The following ABHD10 variants were observed in gnomAD, a reference collection of about 807,000 sequenced individuals.
The protein encoded by ABHD10 is palmitoyl-protein thioesterase ABHD10, mitochondrial.
Under a neutral mutation model 33.1 loss-of-function variants are expected in ABHD10, and 22 were observed. That is an observed-to-expected ratio of 0.66 (90% CI 0.47 to 0.95). The LOEUF (loss-of-function observed/expected upper bound fraction) is 0.95. Among genes scored for constraint, ABHD10 ranks in the 40% least tolerant of loss-of-function variants. The pLI, the probability that ABHD10 is intolerant of heterozygous loss-of-function variation, is 0.00. For synonymous variants in ABHD10, 146 were observed against 133.9 expected, an observed-to-expected ratio of 1.09 and a Z score of -0.62; for missense variants, 352 against 379.9, an observed-to-expected ratio of 0.93 and a Z score of 0.61.
chr3:111,981,287 G>C (rs1172532135), intron 1 of ABHD10, among the ~76,000 whole-genome samples: 1 of 135,350 alleles, frequency 7.4e-6, no homozygotes, highest in Non-Finnish European at 1.5e-5. Context: ...ACTCTAGCCT[G>C]AGTGACAAGG....
rs1007068046 is a variant in ABHD10 at position 111,992,697 on chromosome 3, C to T, written c.*976C>T. On this transcript the variant is annotated 3_prime_UTR_variant, in exon 5 of 5. Transcript: ENST00000273359. ...TTATTTAGCTTGATTAGGTTATTAT[C>T]TGTCAAACCTTTTAAGTTGACAACA... 7.2e-5 allele frequency: 11 copies of T among 152,066 alleles called. No individual in the cohort carries two copies. The highest frequency in any genetic ancestry group is 2.7e-4 in the African/African-American group (11 of 41,400). The allele number at this position is 152,066 out of a possible 1,614,324, so 9.4% of individuals were successfully genotyped here. A position where few individuals can be genotyped will look rare whatever the true frequency, so the allele number is the denominator to read the frequency against.
chr3:111,979,659 C>G (rs1286177823), intron 1 of ABHD10, among the ~76,000 whole-genome samples: 1 of 152,218 alleles, frequency 6.6e-6, no homozygotes, highest in East Asian at 1.9e-4. Context: ...AGCCTAATTT[C>G]TAGTTCTGCT....
At chr3:111,984,381 G>A (rs1425797919) in intron 2 of ABHD10, among the ~76,000 whole-genome samples, 1 of 152,092 alleles carries the variant, frequency 6.6e-6, no homozygotes, top group Non-Finnish European at 1.5e-5. Context: ...ACTAGGCTCT[G>A]GGAAAGGATA....
chr3:111,981,777 T>C lies in ABHD10; in HGVS notation c.143-7T>C. ...ACCATAGTTTACTTTTTGTGTACTT[T>C]GTTTAGCTTGTAGACAAAAGACGTC... is the stretch of plus-strand genomic sequence containing the variant. On this transcript the variant is annotated splice_polypyrimidine_tract_variant and splice_region_variant and intron_variant, in intron 1 of 4. Coordinates refer to ENST00000273359, the MANE Select transcript of ABHD10 (RefSeq NM_018394.4). 5 of 1,527,934 alleles carry C rather than the reference T, an allele frequency of 3.3e-6. No homozygotes were observed. The highest frequency in any genetic ancestry group is 4.4e-6 in the Non-Finnish European group (5 of 1,124,860). 94.6% of individuals were successfully genotyped at this position (1,527,934 alleles called of 1,614,324 possible).
chr3:111,981,751 A>C (rs1021739215), intron 1 of ABHD10, 33 bp from the exon 2 acceptor site: 2 of 1,480,358 alleles, frequency 1.4e-6, no homozygotes, highest in African/African-American at 2.8e-5. Context: ...TGAGTTTACA[A>C]ACCATAGTTT....
At chr3:111,979,429 T>A in intron 1 of ABHD10, among the ~76,000 whole-genome samples, 1 of 152,250 alleles carries the variant, frequency 6.6e-6, no homozygotes, top group Non-Finnish European at 1.5e-5. Flanking sequence ...GCTGGCGTTT[T>A]ACACTGTGCA....
chr3:111,990,604 G>C (rs976845244), intron 4 of ABHD10: 4 of 417,956 alleles, frequency 9.6e-6, no homozygotes, highest in Admixed American at 8.7e-5. Context: ...CATTTTAAGG[G>C]AATAAATATA....
chr3:111,991,208 C>T (rs1461617919), intron 4 of ABHD10, among the ~76,000 whole-genome samples, 169 bp from the exon 5 acceptor site: 1 of 151,934 alleles, frequency 6.6e-6, no homozygotes, highest in Admixed American at 6.6e-5. Context: ...ATAAAATACC[C>T]ATCACAGTAC....
At chr3:111,984,465 G>C (rs1191954160) in intron 2 of ABHD10, among the ~76,000 whole-genome samples, 1 of 152,098 alleles carries the variant, frequency 6.6e-6, no homozygotes, top group African/African-American at 2.4e-5. Context: ...AATCAACAGT[G>C]TGAGATGTGA....
rs1221176182 is a variant in ABHD10 at position 111,991,831 on chromosome 3, AT to A, written c.*111del. Reference sequence around the variant, plus strand: ...TTTTTCCCTTTCCTCTATTTTGTAAATATAAGATGAGTATTATTTAATGATG... The same window carrying A: ...TTTTTCCCTTTCCTCTATTTTGTAAAATAAGATGAGTATTATTTAATGATG... On this transcript the variant is annotated 3_prime_UTR_variant, in exon 5 of 5. Coordinates refer to ENST00000273359, the MANE Select transcript of ABHD10 (RefSeq NM_018394.4). 2 of 813,658 alleles carry A rather than the reference AT, an allele frequency of 2.5e-6. No individual in the cohort carries two copies. The highest frequency in any genetic ancestry group is 3.4e-5 in the Admixed American group (1 of 29,104). 50.4% of individuals were successfully genotyped at this position (813,658 alleles called of 1,614,324 possible).
chr3:111,986,166 A>C (rs893245282), intron 2 of ABHD10, 98 bp from the exon 3 acceptor site: 16 of 635,758 alleles, frequency 2.5e-5, no homozygotes, highest in Middle Eastern at 2.7e-4. Context: ...ATGTTTCACT[A>C]TAAGCATTAT....
intron 1 of ABHD10, among the ~76,000 whole-genome samples, chr3:111,980,427 A>G (rs998069529): frequency 1.3e-5 from 2 of 152,202 alleles, no homozygotes; most frequent in African/African-American, 4.8e-5. Flanking sequence ...AGCAGCACAC[A>G]TGGATTCTCT....
In ABHD10 at chr3:111,992,694, TATC is replaced by T. The variant is rs1487807850; in HGVS notation, c.*974_*976del. On this transcript the variant is annotated 3_prime_UTR_variant, in exon 5 of 5. Coordinates refer to ENST00000273359, the MANE Select transcript of ABHD10 (RefSeq NM_018394.4). Reference sequence around the variant, plus strand: ...ACTTTATTTAGCTTGATTAGGTTATTATCTGTCAAACCTTTTAAGTTGACAACA... The same window carrying T: ...ACTTTATTTAGCTTGATTAGGTTATTTGTCAAACCTTTTAAGTTGACAACA... 2.6e-5 allele frequency: 4 copies of T among 152,222 alleles called. No individual in the cohort carries two copies. The highest frequency in any genetic ancestry group is 1.9e-4 in the East Asian group (1 of 5,204). 9.4% of individuals were successfully genotyped at this position (152,222 alleles called of 1,614,324 possible). A position where few individuals can be genotyped will look rare whatever the true frequency, so the allele number is the denominator to read the frequency against.
At position 111,992,779 on chromosome 3, in the gene ABHD10, C is replaced by G. The variant is rs2072758877; in HGVS notation, c.*1058C>G. 1 of 151,936 alleles carries G rather than the reference C, an allele frequency of 6.6e-6. No individual in the cohort carries two copies. The highest frequency in any genetic ancestry group is 2.4e-5 in the African/African-American group (1 of 41,336). The allele number at this position is 151,936 out of a possible 1,614,324, so 9.4% of individuals were successfully genotyped here. A position where few individuals can be genotyped will look rare whatever the true frequency, so the allele number is the denominator to read the frequency against. On this transcript the variant is annotated 3_prime_UTR_variant, in exon 5 of 5. Transcript: ENST00000273359. ...GCATGTGTCGAAGACTTATTCGACT[C>G]ATTAATGAGGAAACCAGCAGATAGT... is the stretch of plus-strand genomic sequence containing the variant.
intron 2 of ABHD10, among the ~76,000 whole-genome samples, chr3:111,985,479 G>A (rs12635709): frequency 0.083 from 12,685 of 152,162 alleles, 777 homozygotes; most frequent in East Asian, 0.31. Context: ...AACTGAACTA[G>A]GCACTAGGAA....
chr3:111,986,607 T>C (rs547158769), intron 3 of ABHD10, among the ~76,000 whole-genome samples: 46 of 152,010 alleles, frequency 3.0e-4, no homozygotes, highest in African/African-American at 1.1e-3. Flanking sequence ...GGCTAATTGT[T>C]CGTATTTTTA....
rs995185659 is a variant in ABHD10, at chr3:111,993,284, C to T, written c.*1563C>T. ...GAAGCTTGCACTTAGTTTCCCCTGA[C>T]TTCACCCCATGTGTCTTTTTTCCTT... On this transcript the variant is annotated 3_prime_UTR_variant, in exon 5 of 5. Coordinates refer to ENST00000273359, the MANE Select transcript of ABHD10 (RefSeq NM_018394.4). The T allele has an allele frequency of 9.2e-5, 14 of 152,168 alleles. No individual in the cohort carries two copies. Among genetic ancestry groups the T allele is most frequent in the African/African-American group, 3.4e-4 (14 of 41,396 alleles). 9.4% of individuals were successfully genotyped at this position (152,168 alleles called of 1,614,324 possible). A position where few individuals can be genotyped will look rare whatever the true frequency, so the allele number is the denominator to read the frequency against.
chr3:111,980,523 A>G (rs2072569918), intron 1 of ABHD10, among the ~76,000 whole-genome samples: 1 of 152,200 alleles, frequency 6.6e-6, no homozygotes, highest in African/African-American at 2.4e-5. Context: ...ACTCTAAGGA[A>G]GTACACAAAA....
intron 2 of ABHD10, 32 bp from the exon 3 acceptor site, chr3:111,986,232 T>C (rs566684479): frequency 2.4e-6 from 3 of 1,233,476 alleles, no homozygotes; most frequent in Admixed American, 3.5e-5. Context: ...TATATAGATA[T>C]TTAGATATAG....
Sources: allele counts gnomAD v4.1 joint callset (sites outside exome capture counted in the v4.1 genomes callset), GRCh38; gene constraint gnomAD v4.1.1; transcripts MANE v1.5; gene names NCBI Gene and HGNC (gene_info 2026-07-23, HGNC 2026-07-21).